IL2RA: variants seen among roughly 807,000 people sequenced by gnomAD.
IL2RA encodes the protein interleukin 2 receptor subunit alpha.
In IL2RA, 24 loss-of-function variants were observed where a neutral mutation model predicts 37.8. That is an observed-to-expected ratio of 0.63 (90% CI 0.46 to 0.89). The LOEUF is 0.89. Among genes scored for constraint, IL2RA ranks in the 40% least tolerant of loss-of-function variants. IL2RA has a pLI of 0.00. For synonymous variants in IL2RA, 125 were observed against 114.6 expected (o/e 1.09, Z -0.58); for missense variants, 319 against 348.6 (o/e 0.92, Z 0.68).
intron 1 of IL2RA, among the ~76,000 whole-genome samples, chr10:6,027,690 G>T (rs2132862136): frequency 6.6e-6 from 1 of 152,326 alleles, no homozygotes; most frequent in East Asian, 1.9e-4. Flanking sequence ...GTATGGAATA[G>T]ATGGTAGTTC....
chr10:6,036,918 G>A lies in IL2RA; in HGVS notation c.65-10893C>T, dbSNP rs1839693122. On this transcript the variant is annotated intron_variant, in intron 1 of 7. Coordinates refer to ENST00000379959, the MANE Select transcript of IL2RA (RefSeq NM_000417.3). This position sits in a 1 kb window ranked among gnomAD's most constrained non-coding sequence, Gnocchi z 6.1. ...AGAGCCCCCGGGATCTTGCAGACTG[G>A]GATTTGTCAGGGCAGGTGTGGACAT... Among the ~76,000 whole-genome samples, 1 of 152,130 alleles carries A rather than the reference G, an allele frequency of 6.6e-6. No individual in the cohort carries two copies. The highest frequency in any genetic ancestry group is 2.4e-5 in the African/African-American group (1 of 41,414).
rs1839211332 is a variant in IL2RA, at chr10:6,012,888, C to T, written c.803G>A (p.Ser268Asn). Residue 268 changes from serine (S) to asparagine (N), a missense_variant, in exon 8 of 8, where the codon AGT becomes AAT. By Grantham distance (46) the Ser-to-Asn change is conservative. Transcript: ENST00000379959. This position sits in a 1 kb window ranked among gnomAD's most constrained non-coding sequence, Gnocchi z 4.8. ...GLTWQRRQRKSRRTI is the reference protein window; with the variant it reads ...GLTWQRRQRKNRRTI ...TTTGGTTTTCTAGATTGTTCTTCTA[C>T]TCTTCCTCCTGTAGTGGTGTAACAA... 1 of 1,614,148 alleles carries T rather than the reference C, an allele frequency of 6.2e-7. No individual in the cohort carries two copies. Among genetic ancestry groups the T allele is most frequent in the Middle Eastern group, 1.6e-4 (1 of 6,062 alleles).
At chr10:6,055,880 AG>A (rs1840037181) in intron 1 of IL2RA, among the ~76,000 whole-genome samples, 1 of 137,892 alleles carries the variant, frequency 7.3e-6, no homozygotes, top group Non-Finnish European at 1.5e-5. Context: ...GGCCGGGCAG[AG>A]GGGCTCCTCA....
In IL2RA at chr10:6,054,506, C is replaced by G. The variant is rs574133646; in HGVS notation, c.64+7582G>C. On this transcript the variant is annotated intron_variant, in intron 1 of 7. Transcript: ENST00000379959. The surrounding 1 kb of genome is among the most constrained non-coding windows in gnomAD (Gnocchi z 4.5). ...CTGAGCAAAAGTATTCGTTTTTGTC[C>G]GAGAATCTGAGACTCATTTGCTTGG... Among the ~76,000 whole-genome samples, 8 of 152,082 alleles carry G rather than the reference C, an allele frequency of 5.3e-5. No individual in the cohort carries two copies. Among genetic ancestry groups the G allele is most frequent in the Admixed American group, 2.0e-4 (3 of 15,256 alleles).
In IL2RA at chr10:6,046,034, G is replaced by T. The variant is rs1839850852; in HGVS notation, c.64+16054C>A. On this transcript the variant is annotated intron_variant, in intron 1 of 7. Transcript: ENST00000379959. This position sits in a 1 kb window ranked among gnomAD's most constrained non-coding sequence, Gnocchi z 4.8. Reference sequence around the variant, plus strand: ...ATTGTCAGGCTGACCAAGCCCACGTGTCCAGAACCCTCTCCAGAGCTCTCC... The same window carrying T: ...ATTGTCAGGCTGACCAAGCCCACGTTTCCAGAACCCTCTCCAGAGCTCTCC... Among the ~76,000 whole-genome samples the T allele has an allele frequency of 6.6e-6, 1 of 152,168 alleles. No individual in the cohort carries two copies. Among genetic ancestry groups the T allele is most frequent in the Non-Finnish European group, 1.5e-5 (1 of 68,032 alleles).
rs1254263469 is a variant in IL2RA, at chr10:6,019,336, C to A, written c.727+92G>T. ...CCAGTCAACCAACTAACCAACCTAC[C>A]AGCCAACCAACTAACCAACCTACTA... is the stretch of plus-strand genomic sequence containing the variant. On this transcript the variant is annotated intron_variant, in intron 6 of 7. Coordinates refer to ENST00000379959, the MANE Select transcript of IL2RA (RefSeq NM_000417.3). The A allele has an allele frequency of 7.4e-6, 7 of 950,572 alleles. No homozygotes were observed. The Admixed American group carries it at 1.0e-4, about 14-fold the overall frequency. The allele number at this position is 950,572 out of a possible 1,614,324, so 58.9% of individuals were successfully genotyped here.
rs201225509 is a variant in IL2RA, at chr10:6,020,952, T to TGC, written c.583+524_583+525dup. On this transcript the variant is annotated intron_variant, in intron 4 of 7. Transcript: ENST00000379959. The surrounding 1 kb of genome is among the most constrained non-coding windows in gnomAD (Gnocchi z 5.6). The stretch of plus-strand genomic sequence containing the variant: ...GAGTATGTGTGTGTGTGTGTGTGTG[T>TGC]GCGCGCATGTGCACTGAGTAAGTCC... Among the ~76,000 whole-genome samples the TGC allele has an allele frequency of 0.098, 13,990 of 143,472 alleles. 763 individuals carry two copies. Among genetic ancestry groups the TGC allele is most frequent in the Non-Finnish European group, 0.13 (8,389 of 64,632 alleles). 94.1% of individuals were successfully genotyped at this position (143,472 alleles called of 152,430 possible). A position where few individuals can be genotyped will look rare whatever the true frequency, so the allele number is the denominator to read the frequency against.
chr10:6,056,675 AC>A lies in IL2RA; in HGVS notation c.64+5412del, dbSNP rs1355372776. On this transcript the variant is annotated intron_variant, in intron 1 of 7. Transcript: ENST00000379959. The surrounding 1 kb of genome is among the most constrained non-coding windows in gnomAD (Gnocchi z 5.0). ...AGACAGAGGCAGGAGAATCACTTGAACCCAGGAGCTGAAGGTTGCAGTGAGT... is the reference window on the plus strand; with the variant it reads ...AGACAGAGGCAGGAGAATCACTTGAACCAGGAGCTGAAGGTTGCAGTGAGT... Among the ~76,000 whole-genome samples, 3 of 151,910 alleles carry A rather than the reference AC, an allele frequency of 2.0e-5. No homozygotes were observed. The highest frequency in any genetic ancestry group is 7.2e-5 in the African/African-American group (3 of 41,436).
chr10:6,059,977 T>G (rs1201558384), intron 1 of IL2RA, among the ~76,000 whole-genome samples: 2 of 152,126 alleles, frequency 1.3e-5, no homozygotes, highest in Non-Finnish European at 2.9e-5. Flanking sequence ...GGGGTATGGA[T>G]AGATGTTGAG....
chr10:6,060,539 A>C (rs1055847430), intron 1 of IL2RA, among the ~76,000 whole-genome samples: 3 of 152,130 alleles, frequency 2.0e-5, no homozygotes, highest in Non-Finnish European at 2.9e-5. Flanking sequence ...GGTGGACCAC[A>C]AGGTCAGGAG....
In IL2RA at chr10:6,047,073, G is replaced by A. The variant is rs1839873250; in HGVS notation, c.64+15015C>T. ...TGAAAGGGACAAAGACCCTCTCCAT[G>A]TCTCTGCATGCTTGCATGGAGAACA... On this transcript the variant is annotated intron_variant, in intron 1 of 7. Transcript: ENST00000379959. This position sits in a 1 kb window ranked among gnomAD's most constrained non-coding sequence, Gnocchi z 5.0. Among the ~76,000 whole-genome samples, 1 of 152,242 alleles carries A rather than the reference G, an allele frequency of 6.6e-6. No homozygotes were observed.
chr10:6,053,086 T>C (rs1387771008), intron 1 of IL2RA, among the ~76,000 whole-genome samples: 1 of 152,232 alleles, frequency 6.6e-6, no homozygotes, highest in Non-Finnish European at 1.5e-5. Flanking sequence ...TGGGCATTAC[T>C]CACAGCCTAT....
chr10:6,026,739 T>C (rs1419467290), intron 1 of IL2RA, among the ~76,000 whole-genome samples: 4 of 152,132 alleles, frequency 2.6e-5, no homozygotes, highest in Non-Finnish European at 5.9e-5. Context: ...TCTAAGAGAT[T>C]AGATTTTGGG....
In IL2RA at chr10:6,026,008, G is replaced by C; in HGVS notation, c.82C>G (p.Pro28Ala). ...AATGTGGCGTGTGGGATCTCTGGCG[G>C]GTCATCGTCACAGAGCTCTGCAAAG... The part of the protein sequence containing the change: ...GCQAELCDDD[P>A]PEIPHATFKA... The change falls in exon 2 of 8, where the codon CCG (proline) becomes GCG (alanine). Residue 28 changes from proline to alanine, a missense_variant. Physicochemically the swap from Pro to Ala is conservative, Grantham distance 27 (BLOSUM62 -1). Coordinates refer to ENST00000379959, the MANE Select transcript of IL2RA (RefSeq NM_000417.3). 1 of 1,613,188 alleles carries C rather than the reference G, an allele frequency of 6.2e-7. No homozygotes were observed. The highest frequency in any genetic ancestry group is 8.5e-7 in the Non-Finnish European group (1 of 1,180,038).
At position 6,012,909 on chromosome 10, in the gene IL2RA, A is replaced by T; in HGVS notation, c.795-13T>A. On this transcript the variant is annotated splice_polypyrimidine_tract_variant and intron_variant, in intron 7 of 7. Transcript: ENST00000379959. The surrounding 1 kb of genome is among the most constrained non-coding windows in gnomAD (Gnocchi z 4.8). ...TCTACTCTTCCTCCTGTAGTGGTGT[A>T]ACAAAGTCACGGTCATATGTGTAAC... The T allele has an allele frequency of 6.2e-7, 1 of 1,613,896 alleles. No homozygotes were observed. Among genetic ancestry groups the T allele is most frequent in the South Asian group, 1.1e-5 (1 of 91,076 alleles).
chr10:6,050,512 G>C (rs995340508), intron 1 of IL2RA, among the ~76,000 whole-genome samples: 2 of 152,094 alleles, frequency 1.3e-5, no homozygotes, highest in African/African-American at 4.8e-5. Flanking sequence ...ATGGCGATGG[G>C]GCATGCCTGT....
chr10:6,021,273 T>A lies in IL2RA; in HGVS notation c.583+205A>T, dbSNP rs186530259. Among the ~76,000 whole-genome samples, 3 of 152,012 alleles carry A rather than the reference T, an allele frequency of 2.0e-5. No individual in the cohort carries two copies. The highest frequency in any genetic ancestry group is 7.2e-5 in the African/African-American group (3 of 41,460). On this transcript the variant is annotated intron_variant, in intron 4 of 7. Coordinates refer to ENST00000379959, the MANE Select transcript of IL2RA (RefSeq NM_000417.3). This position sits in a 1 kb window ranked among gnomAD's most constrained non-coding sequence, Gnocchi z 4.9. ...CCCCACTCAGGGCACAGGGGGACCTTCATTGAAGGAGCCCTTAGAGTCCAT... is the reference window on the plus strand; with the variant it reads ...CCCCACTCAGGGCACAGGGGGACCTACATTGAAGGAGCCCTTAGAGTCCAT...
In IL2RA at chr10:6,062,146, A is replaced by C. The variant is rs1469971152; in HGVS notation, c.6T>G (p.Asp2Glu). 1 of 1,613,788 alleles carries C rather than the reference A, an allele frequency of 6.2e-7. No individual in the cohort carries two copies. Among genetic ancestry groups the C allele is most frequent in the South Asian group, 1.1e-5 (1 of 91,070 alleles). ...GCAGTCCCCACATCAGCAGGTATGA[A>C]TCCATCTTCCTGACCCTTGGGACCA... MDSYLLMWGLLT... is the reference protein window; with the variant it reads MESYLLMWGLLT... The change falls in exon 1 of 8, where the codon GAT becomes GAG. Residue 2 changes from aspartate (D) to glutamate (E), a missense_variant. Coordinates refer to ENST00000379959, the MANE Select transcript of IL2RA (RefSeq NM_000417.3).
intron 1 of IL2RA, among the ~76,000 whole-genome samples, chr10:6,049,502 G>A (rs946756730): frequency 6.6e-6 from 1 of 152,322 alleles, no homozygotes; most frequent in East Asian, 1.9e-4. Flanking sequence ...TGGACACATT[G>A]AAATTGACCA....
Sources: allele counts gnomAD v4.1 joint callset (sites outside exome capture counted in the v4.1 genomes callset), GRCh38; gene constraint gnomAD v4.1.1; non-coding constraint Gnocchi (gnomAD v3.1); transcripts MANE v1.5; gene names NCBI Gene and HGNC (gene_info 2026-07-23, HGNC 2026-07-21).